The following PJA2 variants were observed in gnomAD, a reference collection of about 807,000 sequenced individuals.
PJA2 encodes the protein E3 ubiquitin-protein ligase Praja-2.
In PJA2, 25 loss-of-function variants were observed where a neutral mutation model predicts 69.3. That is an observed-to-expected ratio of 0.36 (90% CI 0.26 to 0.50). The LOEUF is 0.50. Among genes scored for constraint, PJA2 ranks in the 20% least tolerant of loss-of-function variants. The pLI, the probability that PJA2 is intolerant of heterozygous loss-of-function variation, is 0.96. For missense variants in PJA2, 809 were observed against 830.2 expected, an observed-to-expected ratio of 0.97 and a Z score of 0.31; for synonymous variants, 308 against 277.8, an observed-to-expected ratio of 1.11 and a Z score of -1.08.
chr5:109,377,857 T>G, intron 4 of PJA2, among the ~76,000 whole-genome samples: 1 of 152,210 alleles, frequency 6.6e-6, no homozygotes, highest in East Asian at 1.9e-4. Context: ...ATTAATCACT[T>G]TTTAAACCCA....
intron 9 of PJA2, among the ~76,000 whole-genome samples, chr5:109,339,978 A>G (rs1582577389): frequency 6.6e-6 from 1 of 152,206 alleles, no homozygotes; most frequent in African/African-American, 2.4e-5. Flanking sequence ...AAACTAATTC[A>G]GAATCCAGCA....
Position 109,409,974 on chromosome 5 carries a change from T to G in PJA2, c.-220A>C, listed in dbSNP as rs868552536. The G allele has an allele frequency of 4.6e-6, 1 of 218,982 alleles. No homozygotes were observed. The highest frequency in any genetic ancestry group is 8.9e-6 in the Non-Finnish European group (1 of 112,060). 13.6% of individuals were successfully genotyped at this position (218,982 alleles called of 1,614,324 possible). Reference sequence around the variant, plus strand: ...GCGGCTGTGGCGGCGGCGGCGGCGGTGGCGGCGGCGGAAGCAGAGGCGGTG... The same window carrying G: ...GCGGCTGTGGCGGCGGCGGCGGCGGGGGCGGCGGCGGAAGCAGAGGCGGTG... On this transcript the variant is annotated 5_prime_UTR_variant, in exon 1 of 10. Transcript: ENST00000361189.
intron 7 of PJA2, among the ~76,000 whole-genome samples, chr5:109,346,213 A>T (rs558445197): frequency 6.6e-6 from 1 of 152,334 alleles, no homozygotes; most frequent in South Asian, 2.1e-4. Context: ...CAGCATCATA[A>T]GATCATGGAG....
chr5:109,401,870 T>C (rs1272873985), intron 1 of PJA2, among the ~76,000 whole-genome samples: 1 of 152,200 alleles, frequency 6.6e-6, no homozygotes, highest in Non-Finnish European at 1.5e-5. Context: ...ATGACTACCA[T>C]ACTAGACAGC....
At chr5:109,353,775 T>G (rs1396828139) in intron 7 of PJA2, among the ~76,000 whole-genome samples, 1 of 140,524 alleles carries the variant, frequency 7.1e-6, no homozygotes, top group African/African-American at 2.6e-5. Flanking sequence ...GAGATATCTA[T>G]AGATTAGATG....
intron 3 of PJA2, 76 bp downstream of exon 3, chr5:109,381,427 C>A (rs374914785): frequency 2.4e-6 from 3 of 1,230,582 alleles, no homozygotes; most frequent in Non-Finnish European, 3.4e-6. Flanking sequence ...ATGCATAATA[C>A]CCACCCAAAA....
chr5:109,366,460 T>C, intron 5 of PJA2, among the ~76,000 whole-genome samples: 1 of 152,244 alleles, frequency 6.6e-6, no homozygotes, highest in Non-Finnish European at 1.5e-5. Context: ...TAGAAAGTTC[T>C]TTCTGAACCC....
At chr5:109,402,689 TAA>T (rs1016106372) in intron 1 of PJA2, among the ~76,000 whole-genome samples, 15 of 152,178 alleles carry the variant, frequency 9.9e-5, no homozygotes, top group African/African-American at 3.4e-4. Flanking sequence ...ACTCCACTGC[TAA>T]ACAGCAGAAT....
chr5:109,364,459 T>C (rs1441509765), intron 5 of PJA2, among the ~76,000 whole-genome samples: 1 of 150,756 alleles, frequency 6.6e-6, no homozygotes, highest in Admixed American at 6.6e-5. Flanking sequence ...CCGTCTCTAC[T>C]AAAAATACAA....
rs147892564 is a variant in PJA2 at position 109,338,500 on chromosome 5, C to T, written c.2002-1144G>A. 4.9e-4 allele frequency among the ~76,000 whole-genome samples: 74 copies of T among 151,978 alleles called. 1 individual carries two copies. In the East Asian group the frequency reaches 0.013, roughly 27 times the overall value. ...ACTAAAATACAAAAAATTAGCTGAG[C>T]GTTGCAGCATGCGCCTTTAGTCCCA... On this transcript the variant is annotated intron_variant, in intron 9 of 9. Coordinates refer to ENST00000361189, the MANE Select transcript of PJA2 (RefSeq NM_014819.5).
intron 1 of PJA2, among the ~76,000 whole-genome samples, chr5:109,408,698 T>C (rs1286909719): frequency 2.0e-5 from 3 of 152,242 alleles, no homozygotes; most frequent in African/African-American, 7.2e-5. Flanking sequence ...ATTGTTGAAG[T>C]GTACATCAAA....
chr5:109,344,830 A>G lies in PJA2; in HGVS notation c.1765-11T>C. On this transcript the variant is annotated splice_polypyrimidine_tract_variant and intron_variant, in intron 7 of 9. Coordinates refer to ENST00000361189, the MANE Select transcript of PJA2 (RefSeq NM_014819.5). ...ATGGGCCAGAGCAGTCTGAAAAACAAAAGGTACAGTTCTTTGTTAGAAATA... is the reference window on the plus strand; with the variant it reads ...ATGGGCCAGAGCAGTCTGAAAAACAGAAGGTACAGTTCTTTGTTAGAAATA... 6.4e-7 allele frequency: 1 copy of G among 1,567,524 alleles called. No homozygotes were observed. The highest frequency in any genetic ancestry group is 8.8e-7 in the Non-Finnish European group (1 of 1,141,186).
At chr5:109,364,173 C>T (rs246103) in intron 5 of PJA2, among the ~76,000 whole-genome samples, 82,661 of 151,802 alleles carry the variant, frequency 0.54, 23,878 homozygotes, top group Middle Eastern at 0.65. Flanking sequence ...GACTCATCAA[C>T]AAAATGTACT....
chr5:109,392,641 T>G (rs1218394281), intron 1 of PJA2, among the ~76,000 whole-genome samples: 1 of 152,022 alleles, frequency 6.6e-6, no homozygotes, highest in African/African-American at 2.4e-5. Context: ...TATATTAATT[T>G]TAATCTTCAA....
At chr5:109,408,869 A>G (rs1175801032) in intron 1 of PJA2, among the ~76,000 whole-genome samples, 1 of 152,284 alleles carries the variant, frequency 6.6e-6, no homozygotes, top group African/African-American at 2.4e-5. Flanking sequence ...CGTAGCCTTC[A>G]GCAAAGGTGA....
chr5:109,345,092 C>T (rs1180206336), intron 7 of PJA2, among the ~76,000 whole-genome samples: 2 of 151,350 alleles, frequency 1.3e-5, no homozygotes, highest in Non-Finnish European at 2.9e-5. Flanking sequence ...CCTGTAATCC[C>T]AGCACTTTGG....
At chr5:109,381,758 A>G (rs1247555683) in intron 2 of PJA2, 55 bp from the exon 3 acceptor site, 4 of 1,495,836 alleles carry the variant, frequency 2.7e-6, no homozygotes, top group Non-Finnish European at 3.7e-6. Context: ...TTATTCTTGC[A>G]ACCTGTTGGG....
chr5:109,406,521 AC>A (rs1164994042), intron 1 of PJA2, among the ~76,000 whole-genome samples: 1 of 152,168 alleles, frequency 6.6e-6, no homozygotes, highest in Non-Finnish European at 1.5e-5. Flanking sequence ...GACTGAAATA[AC>A]CAAGTGCTGA....
chr5:109,354,621 GATATTAGAT>G (rs1369210243), intron 7 of PJA2, among the ~76,000 whole-genome samples: 2 of 139,756 alleles, frequency 1.4e-5, no homozygotes, highest in African/African-American at 2.7e-5. Flanking sequence ...AATATCTATC[GATATTAGAT>G]ATATTAGATA....
Sources: allele counts gnomAD v4.1 joint callset (sites outside exome capture counted in the v4.1 genomes callset), GRCh38; gene constraint gnomAD v4.1.1; transcripts MANE v1.5; gene names NCBI Gene and HGNC (gene_info 2026-07-23, HGNC 2026-07-21).